The following XPO7 variants were observed in gnomAD, a reference collection of about 807,000 sequenced individuals.
The protein encoded by XPO7 is exportin 7.
Under a neutral mutation model 144.3 loss-of-function variants are expected in XPO7, and 21 were observed. That is an observed-to-expected ratio of 0.15 (90% confidence interval 0.10 to 0.21). The LOEUF (loss-of-function observed/expected upper bound fraction) is 0.21. Among genes scored for constraint, XPO7 ranks in the 10% least tolerant of loss-of-function variants. The pLI, the probability that XPO7 is intolerant of heterozygous loss-of-function variation, is 1.00. For synonymous variants in XPO7, 580 were observed against 499.6 expected, an observed-to-expected ratio of 1.16 and a Z score of -2.15; for missense variants, 808 against 1,325.8, an observed-to-expected ratio of 0.61 and a Z score of 6.06.
At chr8:21,987,598 G>A (rs557391316) in intron 14 of XPO7, among the ~76,000 whole-genome samples, 186 bp from the exon 15 acceptor site, 14 of 152,200 alleles carry the variant, frequency 9.2e-5, no homozygotes, top group Non-Finnish European at 2.1e-4. Context: ...GATTGAAAGG[G>A]ACCAGTAAGA....
intron 1 of XPO7, among the ~76,000 whole-genome samples, chr8:21,952,230 TAC>T (rs1811397099): frequency 6.6e-6 from 1 of 152,212 alleles, no homozygotes; most frequent in South Asian, 2.1e-4. Flanking sequence ...ACTTTTTTGT[TAC>T]ACAGTTTGCT....
intron 25 of XPO7, among the ~76,000 whole-genome samples, chr8:22,002,745 T>C (rs1040660923): frequency 6.6e-6 from 1 of 152,146 alleles, no homozygotes; most frequent in Non-Finnish European, 1.5e-5. Flanking sequence ...ACATGCTAGA[T>C]GAAAATAGAT....
chr8:21,976,553 C>T lies in XPO7; in HGVS notation c.763+32C>T, dbSNP rs1286856508. 3.1e-6 allele frequency: 5 copies of T among 1,596,176 alleles called. No individual in the cohort carries two copies. The African/African-American group carries it at 6.7e-5, about 21-fold the overall frequency. Reference sequence around the variant, plus strand: ...GAACTTCCTCCACCTCAAAGGCTGTCTGTCACTCCCCTACAGAGTGTCTGT... The same window carrying T: ...GAACTTCCTCCACCTCAAAGGCTGTTTGTCACTCCCCTACAGAGTGTCTGT... On this transcript the variant is annotated intron_variant, in intron 7 of 27. Coordinates refer to ENST00000252512, the MANE Select transcript of XPO7 (RefSeq NM_015024.5).
At chr8:21,955,856 G>C (rs549054147) in intron 1 of XPO7, among the ~76,000 whole-genome samples, 2 of 149,120 alleles carry the variant, frequency 1.3e-5, no homozygotes, top group South Asian at 4.3e-4. Flanking sequence ...GGCCTCCCAA[G>C]TAGCTCGGAC....
chr8:21,998,973 T>C (rs1813044486), intron 22 of XPO7, 118 bp from the exon 23 acceptor site: 2 of 1,455,344 alleles, frequency 1.4e-6, no homozygotes, highest in African/African-American at 1.4e-5. Flanking sequence ...ACATGTGCAT[T>C]AGAGTGCCAC....
At chr8:21,957,877 G>T (rs777867974) in intron 1 of XPO7, among the ~76,000 whole-genome samples, 1 of 151,772 alleles carries the variant, frequency 6.6e-6, no homozygotes, top group African/African-American at 2.4e-5. Context: ...GGTCCTTTCC[G>T]GGTTTTTTTT....
intron 18 of XPO7, among the ~76,000 whole-genome samples, chr8:21,991,143 A>C (rs1812760406): frequency 6.6e-6 from 1 of 152,218 alleles, no homozygotes; most frequent in Non-Finnish European, 1.5e-5. Context: ...TCTGATACGC[A>C]GTGGCTTTAA....
At chr8:21,979,171 G>C (rs1228973791) in intron 8 of XPO7, among the ~76,000 whole-genome samples, 1 of 151,772 alleles carries the variant, frequency 6.6e-6, no homozygotes, top group Non-Finnish European at 1.5e-5. Context: ...TCAGCCTCCT[G>C]AGTAGCTGGA....
chr8:22,001,874 A>G (rs1428638631), intron 24 of XPO7, among the ~76,000 whole-genome samples: 1 of 152,260 alleles, frequency 6.6e-6, no homozygotes, highest in Non-Finnish European at 1.5e-5. Context: ...AGATGTACGT[A>G]CATCCACAAC....
intron 1 of XPO7, among the ~76,000 whole-genome samples, chr8:21,938,495 A>T (rs1286042818): frequency 2.0e-5 from 3 of 152,126 alleles, no homozygotes. Context: ...GTGATGACTC[A>T]ATTTTCTCAC....
intron 1 of XPO7, among the ~76,000 whole-genome samples, chr8:21,936,239 G>A (rs149698054): frequency 6.6e-6 from 1 of 151,988 alleles, no homozygotes; most frequent in African/African-American, 2.4e-5. Context: ...AAGTCATTCC[G>A]ATTAGCAGCC....
intron 1 of XPO7, among the ~76,000 whole-genome samples, chr8:21,941,833 C>G (rs978074237): frequency 1.3e-5 from 2 of 152,152 alleles, no homozygotes; most frequent in African/African-American, 4.8e-5. Flanking sequence ...CGCATGCCAC[C>G]AGTAGTGAAT....
chr8:21,990,819 C>G lies in XPO7; in HGVS notation c.1941C>G (p.His647Gln), dbSNP rs1442599945. The change falls in exon 18 of 28, where the codon CAC (histidine) becomes CAG (glutamine). Residue 647 changes from histidine (H) to glutamine (Q), a missense_variant. His to Gln is a conservative substitution (Grantham distance 24, BLOSUM62 0). Coordinates refer to ENST00000252512, the MANE Select transcript of XPO7 (RefSeq NM_015024.5). ...TTTCTTTTTTTCAATAGAGCGAGCA[C>G]TTTTCATTTTTGGGTATTAACAATC... ...QFMLNNHTSE[H>Q]FSFLGINNQS... 5.6e-6 allele frequency: 9 copies of G among 1,613,756 alleles called. No individual in the cohort carries two copies. The highest frequency in any genetic ancestry group is 7.6e-6 in the Non-Finnish European group (9 of 1,179,866).
At chr8:21,976,095 G>A (rs1035490844) in intron 6 of XPO7, among the ~76,000 whole-genome samples, 1 of 152,210 alleles carries the variant, frequency 6.6e-6, no homozygotes, top group Admixed American at 6.5e-5. Flanking sequence ...ATTGTGTGAG[G>A]AGTATAGTAA....
Position 21,981,793 on chromosome 8 carries a change from C to T in XPO7, c.1020C>T (p.Asn340=), listed in dbSNP as rs2117357948. Residue 340 remains asparagine, a synonymous_variant, in exon 10 of 28, where the codon AAC becomes AAT. Coordinates refer to ENST00000252512, the MANE Select transcript of XPO7 (RefSeq NM_015024.5). The part of the protein sequence containing the change: ...FCRLLARLKS[N]YQLGELVKVE... Reference sequence around the variant, plus strand: ...GACTACTGGCCCGATTGAAGAGTAACTATCAACTGGGAGAATTGGTAAAGG... The same window carrying T: ...GACTACTGGCCCGATTGAAGAGTAATTATCAACTGGGAGAATTGGTAAAGG... 5 of 1,613,968 alleles carry T rather than the reference C, an allele frequency of 3.1e-6. No individual in the cohort carries two copies. The highest frequency in any genetic ancestry group is 4.2e-6 in the Non-Finnish European group (5 of 1,179,872).
chr8:21,965,538 G>A (rs181029946), intron 1 of XPO7, among the ~76,000 whole-genome samples: 6 of 152,302 alleles, frequency 3.9e-5, no homozygotes, highest in Admixed American at 3.3e-4. Flanking sequence ...CCAAGATGTT[G>A]TGAAAGATGG....
chr8:21,927,776 C>T lies in XPO7; in HGVS notation c.18+7988C>T, dbSNP rs189500638. Among the ~76,000 whole-genome samples the T allele has an allele frequency of 3.2e-3, 489 of 152,176 alleles. 1 individual carries two copies. The highest frequency in any genetic ancestry group is 5.6e-3 in the Non-Finnish European group (378 of 68,018). On this transcript the variant is annotated intron_variant, in intron 1 of 27. Transcript: ENST00000252512. ...GTCCGACTGGTCTTGAGCTCCCGAC[C>T]TCAGGTGATCCTCCTGTCTCGGCCT...
chr8:21,999,891 C>T (rs909224478), intron 24 of XPO7, among the ~76,000 whole-genome samples: 6 of 152,148 alleles, frequency 3.9e-5, no homozygotes, highest in African/African-American at 9.7e-5. Context: ...ACTGAGGATA[C>T]GGTAATTAAC....
At chr8:21,973,626 C>G (rs1462092978) in intron 5 of XPO7, among the ~76,000 whole-genome samples, 2 of 152,168 alleles carry the variant, frequency 1.3e-5, no homozygotes, top group Admixed American at 1.3e-4. Flanking sequence ...ATCTTGCTGC[C>G]TTACACTTTA....
Sources: allele counts gnomAD v4.1 joint callset (sites outside exome capture counted in the v4.1 genomes callset), GRCh38; gene constraint gnomAD v4.1.1; transcripts MANE v1.5; gene names NCBI Gene and HGNC (gene_info 2026-07-23, HGNC 2026-07-21).